The following CMSS1 variants were observed in gnomAD, a reference collection of about 807,000 sequenced individuals.
The protein encoded by CMSS1 is cms1 ribosomal small subunit homolog.
A neutral mutation model predicts 43.5 loss-of-function variants in CMSS1; 33 were observed. That is an observed-to-expected ratio of 0.76 (90% confidence interval 0.57 to 1.01). The LOEUF is 1.01. Ranked by LOEUF, CMSS1 falls within the 50% of genes least tolerant of loss-of-function variation. The probability of loss-of-function intolerance (pLI) is 0.00; values close to 1 mark genes in which losing one functional copy is unlikely to be tolerated. For synonymous variants in CMSS1, 115 were observed against 117.2 expected (o/e 0.98, Z 0.12); for missense variants, 313 against 326.4 (o/e 0.96, Z 0.32).
At chr3:100,110,529 G>A (rs900292479) in intron 1 of CMSS1, among the ~76,000 whole-genome samples, 2 of 152,028 alleles carry the variant, frequency 1.3e-5, no homozygotes, top group Non-Finnish European at 2.9e-5. Flanking sequence ...AAGCCTCCAA[G>A]GAATTACAAC....
intron 1 of CMSS1, among the ~76,000 whole-genome samples, chr3:99,909,768 G>A (rs1272355902): frequency 2.6e-5 from 4 of 152,166 alleles, no homozygotes; most frequent in African/African-American, 9.7e-5. Flanking sequence ...TAACCTCAGT[G>A]TATATTTTGC....
intron 1 of CMSS1, chr3:100,115,049 A>G: frequency 1.4e-5 from 17 of 1,256,670 alleles, no homozygotes; most frequent in Non-Finnish European, 1.8e-5. Context: ...TTCAAGTGTT[A>G]AGAAAACCTT....
chr3:100,119,531 C>T (rs940817661), intron 1 of CMSS1, among the ~76,000 whole-genome samples: 3 of 152,212 alleles, frequency 2.0e-5, no homozygotes, highest in African/African-American at 7.2e-5. Flanking sequence ...GTGCACCTTC[C>T]ACCTTTGCAG....
At chr3:99,838,574 C>G (rs1942992863) in intron 1 of CMSS1, among the ~76,000 whole-genome samples, 1 of 152,148 alleles carries the variant, frequency 6.6e-6, no homozygotes, top group Non-Finnish European at 1.5e-5. Context: ...ATTAGACAAT[C>G]TGTCTGTCAC....
At chr3:99,952,216 T>C (rs928288561) in intron 1 of CMSS1, among the ~76,000 whole-genome samples, 3 of 152,156 alleles carry the variant, frequency 2.0e-5, no homozygotes, top group Admixed American at 2.0e-4. Flanking sequence ...AATTTCTATT[T>C]GAGATCTGAT....
intron 1 of CMSS1, among the ~76,000 whole-genome samples, chr3:99,954,344 C>T (rs1708259578): frequency 6.6e-6 from 1 of 152,152 alleles, no homozygotes; most frequent in African/African-American, 2.4e-5. Context: ...ACACTTTGGG[C>T]CAGTATCTCA....
intron 1 of CMSS1, among the ~76,000 whole-genome samples, chr3:99,821,321 C>G (rs777844022): frequency 1.1e-4 from 16 of 152,154 alleles, no homozygotes; most frequent in Admixed American, 3.3e-4. Flanking sequence ...CTCATCCAAT[C>G]TAGACACTTT....
At chr3:100,109,737 G>C (rs2066456335) in intron 1 of CMSS1, among the ~76,000 whole-genome samples, 1 of 152,096 alleles carries the variant, frequency 6.6e-6, no homozygotes, top group African/African-American at 2.4e-5. Context: ...GTTGTTTCCA[G>C]GTTTTGGCAA....
intron 4 of CMSS1, 147 bp downstream of exon 4, chr3:100,162,579 T>C: frequency 1.2e-6 from 1 of 803,502 alleles, no homozygotes; most frequent in Middle Eastern, 2.5e-4. Context: ...AGACTGAGGC[T>C]AGAGGATCGC....
chr3:100,161,801 G>C (rs931204812), intron 3 of CMSS1, among the ~76,000 whole-genome samples: 8 of 152,114 alleles, frequency 5.3e-5, no homozygotes, highest in African/African-American at 1.7e-4. Context: ...TCCAAGACCT[G>C]AGAATCGAGG....
intron 1 of CMSS1, among the ~76,000 whole-genome samples, chr3:99,942,060 C>T (rs1005516272): frequency 6.6e-6 from 1 of 151,930 alleles, no homozygotes; most frequent in Admixed American, 6.6e-5. Context: ...ACTAAAAATA[C>T]AAAAAAATTA....
At chr3:99,931,116 T>C in intron 1 of CMSS1, 1 of 1,113,912 alleles carries the variant, frequency 9.0e-7, no homozygotes, top group Non-Finnish European at 1.3e-6. Context: ...AAGTCTACAT[T>C]CTTGTTATAT....
chr3:100,143,744 C>T (rs2066823702), intron 1 of CMSS1, among the ~76,000 whole-genome samples: 1 of 152,160 alleles, frequency 6.6e-6, no homozygotes, highest in South Asian at 2.1e-4. Context: ...GGAGAGCCTG[C>T]TGTTTGGTGC....
chr3:100,115,041 CA>C (rs1327376509), intron 1 of CMSS1: 2 of 1,338,860 alleles, frequency 1.5e-6, no homozygotes, highest in African/African-American at 2.9e-5. Context: ...TTATATTATT[CA>C]AGTGTTAAGA....
At chr3:99,867,742 C>T (rs1285687680) in intron 1 of CMSS1, among the ~76,000 whole-genome samples, 2 of 152,102 alleles carry the variant, frequency 1.3e-5, no homozygotes, top group Non-Finnish European at 2.9e-5. Flanking sequence ...CCCTTCTTTC[C>T]TATATAACAC....
intron 1 of CMSS1, among the ~76,000 whole-genome samples, chr3:100,108,884 A>G (rs754928248): frequency 7.9e-5 from 12 of 152,072 alleles, no homozygotes; most frequent in Non-Finnish European, 1.8e-4. Flanking sequence ...AAATCAGATC[A>G]TATTCCCTTG....
At chr3:99,904,736 A>C (rs1706555580) in intron 1 of CMSS1, among the ~76,000 whole-genome samples, 1 of 151,642 alleles carries the variant, frequency 6.6e-6, no homozygotes, top group African/African-American at 2.4e-5. Flanking sequence ...TCCCACACCC[A>C]CTTCTCTTCT....
chr3:100,131,630 G>A (rs903739275), intron 1 of CMSS1, among the ~76,000 whole-genome samples: 1 of 152,118 alleles, frequency 6.6e-6, no homozygotes, highest in African/African-American at 2.4e-5. Context: ...CCTAAATCTG[G>A]TTCTCGCTTC....
chr3:100,045,396 A>C (rs2065263265), intron 1 of CMSS1, among the ~76,000 whole-genome samples: 1 of 152,242 alleles, frequency 6.6e-6, no homozygotes, highest in Non-Finnish European at 1.5e-5. Flanking sequence ...GAAAAGAGTG[A>C]ATAAAGGAAT....
Sources: allele counts gnomAD v4.1 joint callset (sites outside exome capture counted in the v4.1 genomes callset), GRCh38; gene constraint gnomAD v4.1.1; transcripts MANE v1.5; gene names NCBI Gene and HGNC (gene_info 2026-07-23, HGNC 2026-07-21).